RNF38: variants seen among roughly 807,000 people sequenced by gnomAD.
RNF38 encodes E3 ubiquitin-protein ligase RNF38.
A neutral mutation model predicts 67.2 loss-of-function variants in RNF38; 15 were observed. The observed-to-expected ratio is 0.22, with a 90% CI of 0.15 to 0.34. RNF38 has a LOEUF of 0.34. RNF38 is among the 10% of genes least tolerant of loss of function. The pLI, the probability that RNF38 is intolerant of heterozygous loss-of-function variation, is 1.00. For missense variants in RNF38, 524 were observed against 639.9 expected (o/e 0.82, Z 1.95); for synonymous variants, 220 against 218.8 (o/e 1.01, Z -0.05).
chr9:36,370,764 C>T (rs527495426), intron 3 of RNF38, among the ~76,000 whole-genome samples: 2 of 152,022 alleles, frequency 1.3e-5, no homozygotes, highest in South Asian at 2.1e-4. Flanking sequence ...AAAAATTAGC[C>T]GGGCGTGGTG....
intron 1 of RNF38, among the ~76,000 whole-genome samples, chr9:36,393,092 G>A (rs1242600971): frequency 6.6e-6 from 1 of 152,110 alleles, no homozygotes; most frequent in Non-Finnish European, 1.5e-5. Flanking sequence ...CCTTTGTAGC[G>A]TGTTATCCTA....
chr9:36,470,100 T>C (rs1175342392), intron 1 of RNF38, among the ~76,000 whole-genome samples: 1 of 152,212 alleles, frequency 6.6e-6, no homozygotes. Context: ...CTGCCCTTCA[T>C]GTGCATTAGC....
At chr9:36,467,049 C>T (rs548646557) in intron 1 of RNF38, among the ~76,000 whole-genome samples, 4 of 138,890 alleles carry the variant, frequency 2.9e-5, no homozygotes, top group Middle Eastern at 3.5e-3. Flanking sequence ...CGTGGTGGCA[C>T]GCGCCTGTAA....
At chr9:36,381,286 C>T (rs1432813783) in intron 2 of RNF38, among the ~76,000 whole-genome samples, 4 of 151,850 alleles carry the variant, frequency 2.6e-5, no homozygotes, top group African/African-American at 9.7e-5. Flanking sequence ...AAATAAAATC[C>T]CCCCCAAATG....
chr9:36,470,190 A>G (rs1839964115), intron 1 of RNF38, among the ~76,000 whole-genome samples: 1 of 152,160 alleles, frequency 6.6e-6, no homozygotes, highest in Non-Finnish European at 1.5e-5. Context: ...GGGGGTGTCC[A>G]GCTTTTAAAG....
intron 3 of RNF38, among the ~76,000 whole-genome samples, chr9:36,371,161 T>C (rs1835351358): frequency 6.6e-6 from 1 of 152,104 alleles, no homozygotes; most frequent in Non-Finnish European, 1.5e-5. Flanking sequence ...CAAGTGTCAT[T>C]TTAGCAACTT....
chr9:36,380,047 G>C (rs1327903794), intron 2 of RNF38, among the ~76,000 whole-genome samples: 1 of 152,094 alleles, frequency 6.6e-6, no homozygotes, highest in Non-Finnish European at 1.5e-5. Context: ...AATCAACCTA[G>C]GACAAGGCAT....
intron 1 of RNF38, among the ~76,000 whole-genome samples, chr9:36,454,836 G>A (rs935367721): frequency 2.6e-5 from 4 of 151,858 alleles, no homozygotes; most frequent in Non-Finnish European, 4.4e-5. Flanking sequence ...CACCCGCCTC[G>A]GTCTCTCAAA....
intron 4 of RNF38, among the ~76,000 whole-genome samples, chr9:36,365,455 C>T (rs940130536): frequency 6.6e-6 from 1 of 151,938 alleles, no homozygotes; most frequent in Non-Finnish European, 1.5e-5. Flanking sequence ...GTAATCCCAG[C>T]TACTCAGGAG....
At chr9:36,447,863 C>A (rs1239309445) in intron 1 of RNF38, among the ~76,000 whole-genome samples, 1 of 152,198 alleles carries the variant, frequency 6.6e-6, no homozygotes, top group African/African-American at 2.4e-5. Flanking sequence ...AAAATGCATT[C>A]AACTGAACTT....
At chr9:36,385,822 C>T (rs990015789) in intron 2 of RNF38, among the ~76,000 whole-genome samples, 9 of 152,266 alleles carry the variant, frequency 5.9e-5, no homozygotes, top group African/African-American at 1.7e-4. Flanking sequence ...ATTCTTGGCA[C>T]GTCGCACAAC....
At chr9:36,462,799 C>T (rs956427949) in intron 1 of RNF38, among the ~76,000 whole-genome samples, 4 of 151,802 alleles carry the variant, frequency 2.6e-5, no homozygotes, top group Admixed American at 6.6e-5. Flanking sequence ...CTCAGCCTCC[C>T]GAGTAGCTAG....
chr9:36,487,465 C>G (rs1429157203), exon 1 of RNF38: 2 of 980,330 alleles, frequency 2.0e-6, no homozygotes, highest in Non-Finnish European at 2.4e-6. Flanking sequence ...CGGCGGGGCC[C>G]GGCCTGGGAG....
chr9:36,388,953 C>A (rs983193053), intron 2 of RNF38, among the ~76,000 whole-genome samples: 1 of 151,978 alleles, frequency 6.6e-6, no homozygotes, highest in Non-Finnish European at 1.5e-5. Flanking sequence ...TAACAAATTA[C>A]ACCCTTTTTT....
chr9:36,450,597 A>G (rs1839412818), intron 1 of RNF38, among the ~76,000 whole-genome samples: 1 of 150,192 alleles, frequency 6.7e-6, no homozygotes, highest in African/African-American at 2.4e-5. Flanking sequence ...TAACTTAATC[A>G]TCACTATACC....
chr9:36,343,819 C>T (rs1354660058), intron 10 of RNF38, among the ~76,000 whole-genome samples: 2 of 152,014 alleles, frequency 1.3e-5, no homozygotes, highest in Admixed American at 6.6e-5. Context: ...TTGTATGACC[C>T]CATTTATGTG....
At chr9:36,479,333 G>A (rs1249265654) in intron 1 of RNF38, among the ~76,000 whole-genome samples, 2 of 152,226 alleles carry the variant, frequency 1.3e-5, no homozygotes, top group Non-Finnish European at 2.9e-5. Context: ...AAAAGAGTGG[G>A]TGGTAGCAAC....
At chr9:36,449,857 A>G (rs1015668961) in intron 1 of RNF38, among the ~76,000 whole-genome samples, 2 of 152,144 alleles carry the variant, frequency 1.3e-5, no homozygotes, top group African/African-American at 4.8e-5. Flanking sequence ...AGGAGTTCCA[A>G]TATCATGTTT....
At chr9:36,443,805 G>A (rs1483374701) in intron 1 of RNF38, among the ~76,000 whole-genome samples, 2 of 152,178 alleles carry the variant, frequency 1.3e-5, no homozygotes, top group Admixed American at 6.5e-5. Flanking sequence ...GAGAGCGAGT[G>A]GAGAGAAAAC....
Sources: gnomAD v4.1 joint callset for allele counts (sites outside exome capture counted in the v4.1 genomes callset) on GRCh38, gnomAD v4.1.1 for gene constraint, MANE v1.5 for transcripts, NCBI Gene and HGNC (gene_info 2026-07-23, HGNC 2026-07-21) for gene names.